COL14A1: variants seen among roughly 807,000 people sequenced by gnomAD.
COL14A1 encodes collagen alpha-1(XIV) chain.
A neutral mutation model predicts 230.3 loss-of-function variants in COL14A1; 136 were observed. The ratio of observed to expected loss-of-function variants is 0.59; its 90% CI spans 0.51 to 0.68. The LOEUF (loss-of-function observed/expected upper bound fraction) is 0.68. COL14A1 is among the 30% of genes least tolerant of loss of function. The probability of loss-of-function intolerance (pLI) is 0.00; values close to 1 mark genes in which losing one functional copy is unlikely to be tolerated. For synonymous variants in COL14A1, 792 were observed against 784.1 expected (o/e 1.01, Z -0.17); for missense variants, 1,976 against 2,215.8 (o/e 0.89, Z 2.17).
intron 25 of COL14A1, among the ~76,000 whole-genome samples, chr8:120,268,075 A>C (rs543229419): frequency 6.6e-6 from 1 of 151,832 alleles, no homozygotes; most frequent in Admixed American, 6.6e-5. Context: ...GCAATTAAGA[A>C]CTCTAATAAA....
intron 19 of COL14A1, among the ~76,000 whole-genome samples, chr8:120,243,150 A>T (rs923907516): frequency 1.3e-5 from 2 of 152,138 alleles, no homozygotes; most frequent in Non-Finnish European, 2.9e-5. Context: ...GGTCCAGACG[A>T]TTCTTTTCGA....
intron 39 of COL14A1, 94 bp downstream of exon 39, chr8:120,315,680 T>G: frequency 9.3e-7 from 1 of 1,078,632 alleles, no homozygotes; most frequent in Non-Finnish European, 1.4e-6. Context: ...GTTGTGATCT[T>G]GGTAAGTGTT....
At chr8:120,303,750 C>G (rs1441731925) in intron 36 of COL14A1, among the ~76,000 whole-genome samples, 1 of 152,142 alleles carries the variant, frequency 6.6e-6, no homozygotes, top group African/African-American at 2.4e-5. Flanking sequence ...ATGCTGACCT[C>G]ATAGAATGAG....
intron 1 of COL14A1, among the ~76,000 whole-genome samples, chr8:120,129,328 C>T (rs1814450282): frequency 6.6e-6 from 1 of 152,114 alleles, no homozygotes; most frequent in African/African-American, 2.4e-5. Context: ...ACCCTTTATA[C>T]TGATTACAGA....
At chr8:120,345,108 C>G (rs1369951060) in intron 44 of COL14A1, among the ~76,000 whole-genome samples, 2 of 152,152 alleles carry the variant, frequency 1.3e-5, no homozygotes, top group African/African-American at 4.8e-5. Context: ...ACAACTTCTG[C>G]TCAGTGATGT....
intron 2 of COL14A1, among the ~76,000 whole-genome samples, chr8:120,156,510 T>G (rs1815485957): frequency 6.6e-6 from 1 of 152,156 alleles, no homozygotes. Context: ...AAAGAAACAG[T>G]GCATTTCATC....
Position 120,345,409 on chromosome 8 carries a change from G to A in COL14A1, c.4923G>A (p.Gln1641=). Residue 1641 remains glutamine (Q), a synonymous_variant, in exon 45 of 48, where the codon CAG becomes CAA. Coordinates refer to ENST00000297848, the MANE Select transcript of COL14A1 (RefSeq NM_021110.4). ...CCAGGTACACTGCCATCCTCAACCA[G>A]ATTCCCAGCCACTCCTCATCCATCC... ...HMARYTAILN[Q]IPSHSSSIRT... 6.3e-7 allele frequency: 1 copy of A among 1,597,406 alleles called. No individual in the cohort carries two copies. Among genetic ancestry groups the A allele is most frequent in the South Asian group, 1.1e-5 (1 of 88,078 alleles).
At chr8:120,346,533 A>G (rs1473606711) in intron 45 of COL14A1, among the ~76,000 whole-genome samples, 1 of 152,246 alleles carries the variant, frequency 6.6e-6, no homozygotes, top group Non-Finnish European at 1.5e-5. Flanking sequence ...TTTAAAATAC[A>G]GATTACAAAA....
chr8:120,330,912 T>A (rs1314581819), intron 40 of COL14A1, among the ~76,000 whole-genome samples: 1 of 150,928 alleles, frequency 6.6e-6, no homozygotes, highest in African/African-American at 2.4e-5. Flanking sequence ...TCGAGACGAG[T>A]CTGACGAACA....
chr8:120,270,533 T>C (rs1216095358), intron 26 of COL14A1, among the ~76,000 whole-genome samples: 1 of 151,808 alleles, frequency 6.6e-6, no homozygotes, highest in Non-Finnish European at 1.5e-5. Flanking sequence ...CACACCTTAC[T>C]ATAGATCATG....
intron 20 of COL14A1, 123 bp from the exon 21 acceptor site, chr8:120,247,490 C>T: frequency 1.1e-6 from 1 of 892,752 alleles, no homozygotes; most frequent in Non-Finnish European, 1.6e-6. Context: ...TGTTTCAGTG[C>T]ACTTTCACTT....
chr8:120,317,947 GCTTTTCCA>G lies in COL14A1; in HGVS notation c.4659+1951_4659+1958del, dbSNP rs556022847. Among the ~76,000 whole-genome samples, 18 of 152,272 alleles carry G rather than the reference GCTTTTCCA, an allele frequency of 1.2e-4. No homozygotes were observed. The South Asian group carries it at 3.1e-3, about 26-fold the overall frequency. ...AAACATATTAGATGGAAGTGGGCTT[GCTTTTCCA>G]AACTAGATTTCTGAGGATACTCATT... On this transcript the variant is annotated intron_variant, in intron 40 of 47. Transcript: ENST00000297848.
intron 19 of COL14A1, among the ~76,000 whole-genome samples, chr8:120,237,289 T>C (rs1483977249): frequency 6.6e-6 from 1 of 152,224 alleles, no homozygotes; most frequent in Non-Finnish European, 1.5e-5. Context: ...CCCATATTTC[T>C]TGGAGGCTTT....
intron 2 of COL14A1, among the ~76,000 whole-genome samples, chr8:120,154,584 C>T (rs1815399807): frequency 6.6e-6 from 1 of 152,140 alleles, no homozygotes; most frequent in African/African-American, 2.4e-5. Context: ...CAGGCCTAAT[C>T]TCATGTGCAA....
At position 120,312,520 on chromosome 8, in the gene COL14A1, G is replaced by A. The variant is rs117081147; in HGVS notation, c.4456-1412G>A. Among the ~76,000 whole-genome samples, 22 of 151,912 alleles carry A rather than the reference G, an allele frequency of 1.4e-4. No individual in the cohort carries two copies. In the East Asian group the frequency reaches 3.7e-3, roughly 25 times the overall value. On this transcript the variant is annotated intron_variant, in intron 37 of 47. Transcript: ENST00000297848. Reference sequence around the variant, plus strand: ...CGTCTTCAGCCTCTTCCTAATTCTCGGGCTTTTTCATTTCAGATTCTTCCC... The same window carrying A: ...CGTCTTCAGCCTCTTCCTAATTCTCAGGCTTTTTCATTTCAGATTCTTCCC...
chr8:120,218,455 G>A lies in COL14A1; in HGVS notation c.1737+1965G>A, dbSNP rs552195859. ...CTCCTGAGTAGCTGGGACTACAGGC[G>A]TGCGCCACTGTGCCCAGCTAATTTT... is the stretch of plus-strand genomic sequence containing the variant. On this transcript the variant is annotated intron_variant, in intron 14 of 47. Transcript: ENST00000297848. 2.6e-4 allele frequency among the ~76,000 whole-genome samples: 40 copies of A among 151,688 alleles called. 3 individuals carry two copies. The South Asian group carries it at 5.8e-3, about 22-fold the overall frequency.
At chr8:120,358,782 A>G (rs1433583498) in intron 45 of COL14A1, among the ~76,000 whole-genome samples, 1 of 152,218 alleles carries the variant, frequency 6.6e-6, no homozygotes, top group East Asian at 1.9e-4. Context: ...TGATAAAACT[A>G]AAGTTGTTTG....
rs200658659 is a variant in COL14A1, at chr8:120,139,526, G to A, written c.-37-8280G>A. Among the ~76,000 whole-genome samples the A allele has an allele frequency of 2.0e-5, 3 of 152,284 alleles. No individual in the cohort carries two copies. The East Asian group carries it at 5.8e-4, about 29-fold the overall frequency. On this transcript the variant is annotated intron_variant, in intron 1 of 47. Transcript: ENST00000297848. The stretch of plus-strand genomic sequence containing the variant: ...GTTTTTGCCTAAACTTTTTTGCCAA[G>A]TTAGTCCCACAACCTTAATGTGATA...
intron 26 of COL14A1, among the ~76,000 whole-genome samples, chr8:120,271,687 C>A (rs1819670213): frequency 6.6e-6 from 1 of 151,314 alleles, no homozygotes; most frequent in South Asian, 2.1e-4. Context: ...CTTCATACAC[C>A]AAAACTTGTG....
Sources: allele counts gnomAD v4.1 joint callset (sites outside exome capture counted in the v4.1 genomes callset), GRCh38; gene constraint gnomAD v4.1.1; transcripts MANE v1.5; gene names NCBI Gene and HGNC (gene_info 2026-07-23, HGNC 2026-07-21).